The following SLC6A16 variants were observed in gnomAD, a reference collection of about 807,000 sequenced individuals.
SLC6A16 encodes orphan sodium- and chloride-dependent neurotransmitter transporter NTT5.
Under a neutral mutation model 65.4 loss-of-function variants are expected in SLC6A16, and 54 were observed. The ratio of observed to expected loss-of-function variants is 0.83; its 90% CI spans 0.66 to 1.04. The LOEUF is 1.04. SLC6A16 is among the 50% of genes least tolerant of loss of function. The probability of loss-of-function intolerance (pLI) is 0.00; values close to 1 mark genes in which losing one functional copy is unlikely to be tolerated. For synonymous variants in SLC6A16, 330 were observed against 346.5 expected, an observed-to-expected ratio of 0.95 and a Z score of 0.53; for missense variants, 816 against 914.0, an observed-to-expected ratio of 0.89 and a Z score of 1.38.
In SLC6A16 at chr19:49,294,424, G is replaced by A. The variant is rs779760630; in HGVS notation, c.1359C>T (p.Ile453=). The change falls in exon 8 of 12, where the codon ATC becomes ATT. Residue 453 remains isoleucine, a synonymous_variant. Transcript: ENST00000335875. ...TCACCTCGCGGAGAACCATGCTTTTGATGTGCTGGGGAAGGCCACTGAGCC... is the reference window on the plus strand; with the variant it reads ...TCACCTCGCGGAGAACCATGCTTTTAATGTGCTGGGGAAGGCCACTGAGCC... The part of the protein sequence containing the change: ...NAWLSGLPQH[I]KSMVLREVTE... The A allele has an allele frequency of 6.2e-7, 1 of 1,614,166 alleles. No homozygotes were observed.
chr19:49,312,281 A>G (rs953843960), intron 1 of SLC6A16, among the ~76,000 whole-genome samples: 1 of 152,214 alleles, frequency 6.6e-6, no homozygotes, highest in African/African-American at 2.4e-5. Context: ...TAGAAAAGTT[A>G]CTTTACCTTT....
At chr19:49,329,956 A>G (rs1009516280), upstream of SLC6A16, among the ~76,000 whole-genome samples, 2 of 152,036 alleles carry the variant, frequency 1.3e-5, no homozygotes, top group African/African-American at 4.8e-5. Context: ...TAAAGGAAAG[A>G]AAAGTGTTTT....
chr19:49,326,664 CACA>C (rs758281399), upstream of SLC6A16, among the ~76,000 whole-genome samples: 3 of 152,192 alleles, frequency 2.0e-5, no homozygotes, highest in South Asian at 6.2e-4. Context: ...TTTTGCTTCA[CACA>C]ACAAGAAAAC....
intron 1 of SLC6A16, among the ~76,000 whole-genome samples, chr19:49,314,373 G>C (rs1970581854): frequency 6.6e-6 from 1 of 152,170 alleles, no homozygotes; most frequent in African/African-American, 2.4e-5. Flanking sequence ...AAGGAACGAT[G>C]AATTAGAAGG....
the SLC6A16 span, chr19:49,338,955 C>G: frequency 6.5e-7 from 1 of 1,538,418 alleles, no homozygotes; most frequent in Non-Finnish European, 9.0e-7. This position sits in a 1 kb window ranked among gnomAD's most constrained non-coding sequence, Gnocchi z 5.0. Context: ...GGGTTCGGAG[C>G]ATAAACCTGT....
At chr19:49,338,610 G>T in the SLC6A16 span, 3 of 936,446 alleles carry the variant, frequency 3.2e-6, no homozygotes, top group South Asian at 1.4e-5. The surrounding 1 kb of genome is among the most constrained non-coding windows in gnomAD (Gnocchi z 5.0). Context: ...CCTGCTCCCC[G>T]ACCTGACCTC....
intron 9 of SLC6A16, 126 bp downstream of exon 9, chr19:49,293,701 T>A (rs769197649): frequency 7.3e-6 from 6 of 821,186 alleles, no homozygotes; most frequent in Non-Finnish European, 7.9e-6. Context: ...GAGGCAGAAG[T>A]TGCAGTAAGC....
intron 1 of SLC6A16, among the ~76,000 whole-genome samples, chr19:49,313,124 T>C (rs1962230318): frequency 6.7e-6 from 1 of 149,038 alleles, no homozygotes. Context: ...TATGTTTATA[T>C]CCTTATCCCT....
rs189659673 is a variant in SLC6A16, at chr19:49,310,502, C to T, written c.424G>A (p.Ala142Thr). 650 of 1,613,996 alleles carry T rather than the reference C, an allele frequency of 4.0e-4. 4 individuals are homozygous for T. The highest frequency in any genetic ancestry group is 3.5e-4 in the Admixed American group (21 of 60,004). Residue 142 changes from alanine to threonine, a missense_variant, in exon 3 of 12, where the codon GCT (alanine) becomes ACT (threonine). Ala to Thr is a moderately conservative substitution (Grantham distance 58). Coordinates refer to ENST00000335875, the MANE Select transcript of SLC6A16 (RefSeq NM_014037.3). ...LWLNSGGCSF[A>T]AIYIFMLFLV... ...AACAGCATGAAGATGTAGATGGCAG[C>T]GAAACTGCCTGTGAAGAAGATTCAG...
chr19:49,321,165 T>A (rs1970703916), intron 1 of SLC6A16, among the ~76,000 whole-genome samples: 1 of 152,134 alleles, frequency 6.6e-6, no homozygotes, highest in African/African-American at 2.4e-5. Context: ...TTATATACCA[T>A]GACCAAGTGG....
the SLC6A16 span, chr19:49,340,119 A>C: frequency 2.6e-6 from 4 of 1,532,770 alleles, no homozygotes; most frequent in South Asian, 1.2e-5. Context: ...GCCCTTTTCT[A>C]CCTATCCCCT....
chr19:49,335,588 C>T, the SLC6A16 span: 214 of 1,613,884 alleles, frequency 1.3e-4, 1 homozygote, highest in Middle Eastern at 6.6e-4. The surrounding 1 kb of genome is among the most constrained non-coding windows in gnomAD (Gnocchi z 4.6). Flanking sequence ...ACTTCCTCTT[C>T]GTTTTCAACC....
intron 7 of SLC6A16, among the ~76,000 whole-genome samples, chr19:49,305,461 G>A (rs1970366217): frequency 6.6e-6 from 1 of 151,938 alleles, no homozygotes; most frequent in Admixed American, 6.6e-5. Context: ...GTGTGGTGGT[G>A]GGTGCCTGTA....
At chr19:49,297,155 C>T (rs1422565762) in intron 7 of SLC6A16, among the ~76,000 whole-genome samples, 1 of 151,994 alleles carries the variant, frequency 6.6e-6, no homozygotes, top group Non-Finnish European at 1.5e-5. Flanking sequence ...ATATAATATC[C>T]ACAATATGTA....
Position 49,323,656 on chromosome 19 carries a change from A to G in SLC6A16, c.-65+1392T>C, listed in dbSNP as rs536843135. Among the ~76,000 whole-genome samples, 3 of 152,320 alleles carry G rather than the reference A, an allele frequency of 2.0e-5. No individual in the cohort carries two copies. The South Asian group carries it at 6.2e-4, about 32-fold the overall frequency. ...TAAGGAAATGCAAATGAAAACTACA[A>G]TGAGATAATACCTCGCATCCATTAG... On this transcript the variant is annotated intron_variant, in intron 1 of 11. Transcript: ENST00000335875.
In SLC6A16 at chr19:49,290,790, T is replaced by C; in HGVS notation, c.1779-23A>G. The C allele has an allele frequency of 3.8e-6, 6 of 1,590,090 alleles. No homozygotes were observed. In the South Asian group the frequency reaches 6.9e-5, roughly 18 times the overall value. On this transcript the variant is annotated intron_variant, in intron 10 of 11. Coordinates refer to ENST00000335875, the MANE Select transcript of SLC6A16 (RefSeq NM_014037.3). ...AACCTGGAGAAGGGCCACCAGAGTGTGGGATGCCCAGTTAGGCCTCACCAC... is the reference window on the plus strand; with the variant it reads ...AACCTGGAGAAGGGCCACCAGAGTGCGGGATGCCCAGTTAGGCCTCACCAC...
chr19:49,317,349 T>C (rs891579308), intron 1 of SLC6A16, among the ~76,000 whole-genome samples: 4 of 149,926 alleles, frequency 2.7e-5, no homozygotes, highest in African/African-American at 9.8e-5. Context: ...TCAAAAATAA[T>C]AACAATAATA....
At chr19:49,338,631 C>G in the SLC6A16 span, 12 of 1,182,002 alleles carry the variant, frequency 1.0e-5, no homozygotes, top group Admixed American at 1.7e-5. The surrounding 1 kb of genome is among the most constrained non-coding windows in gnomAD (Gnocchi z 5.0). Context: ...ATACCCATCA[C>G]CTTGTCCCCT....
At position 49,290,199 on chromosome 19, in the gene SLC6A16, C is replaced by T. The variant is rs199817296; in HGVS notation, c.2135G>A (p.Ser712Asn). Residue 712 changes from serine to asparagine, a missense_variant, in exon 12 of 12, where the codon AGT (serine) becomes AAT (asparagine). Transcript: ENST00000335875. ...AATTTCTTCCTTTTGAACCTCTTTA[C>T]TGGGTGTTAGCTGGTGACTTAGGGG... ...SLPLSHQLTP[S>N]KEVQKEEILQ... is the part of the protein sequence containing the mutation. 9 of 1,613,976 alleles carry T rather than the reference C, an allele frequency of 5.6e-6. No homozygotes were observed. In the African/African-American group the frequency reaches 1.1e-4, roughly 19 times the overall value.
Sources: allele counts gnomAD v4.1 joint callset (sites outside exome capture counted in the v4.1 genomes callset), GRCh38; gene constraint gnomAD v4.1.1; non-coding constraint Gnocchi (gnomAD v3.1); transcripts MANE v1.5; gene names NCBI Gene and HGNC (gene_info 2026-07-23, HGNC 2026-07-21).